CSMD1: variants seen among roughly 807,000 people sequenced by gnomAD.
CSMD1 encodes the protein CUB and Sushi multiple domains 1.
CSMD1 carries 213 observed loss-of-function variants against 417.5 expected under a neutral mutation model. The ratio of observed to expected loss-of-function variants is 0.51; its 90% CI spans 0.46 to 0.57. CSMD1 has a LOEUF of 0.57. Ranked by LOEUF, CSMD1 falls within the 20% of genes least tolerant of loss-of-function variation. CSMD1 has a pLI of 0.00. For missense variants in CSMD1, 6,923 were observed against 4,529.7 expected (o/e 1.53, Z -15.17); for synonymous variants, 2,862 against 1,736.8 (o/e 1.65, Z -16.11).
At chr8:4,595,022 A>T (rs7820892) in intron 2 of CSMD1, among the ~76,000 whole-genome samples, 140,557 of 152,024 alleles carry the variant, frequency 0.92, 65,068 homozygotes, top group East Asian at 0.97. Flanking sequence ...AATATACTGG[A>T]TTCCTTGTTG....
At chr8:3,132,154 G>C (rs1389502518) in intron 41 of CSMD1, among the ~76,000 whole-genome samples, 1 of 152,198 alleles carries the variant, frequency 6.6e-6, no homozygotes, top group African/African-American at 2.4e-5. Context: ...AGGCCACCCA[G>C]TGGGTTTTAC....
At position 4,606,115 on chromosome 8, in the gene CSMD1, A is replaced by G. The variant is rs75328688; in HGVS notation, c.302+31227T>C. ...CACGTTCAAAATTGATCGAGCTGAA[A>G]TGACTTGCAGGATTAATTCACACTA... is the stretch of plus-strand genomic sequence containing the variant. On this transcript the variant is annotated intron_variant, in intron 2 of 69. Transcript: ENST00000635120. Among the ~76,000 whole-genome samples the G allele has an allele frequency of 8.0e-3, 1,225 of 152,274 alleles. 10 individuals carry two copies. Among genetic ancestry groups the G allele is most frequent in the Middle Eastern group, 0.058 (17 of 294 alleles).
chr8:4,243,844 A>G (rs1802542946), intron 3 of CSMD1, among the ~76,000 whole-genome samples: 1 of 152,218 alleles, frequency 6.6e-6, no homozygotes, highest in Non-Finnish European at 1.5e-5. Context: ...AAGAAAACAG[A>G]GTAGGGACTG....
chr8:4,031,226 G>A (rs146948251), intron 4 of CSMD1, among the ~76,000 whole-genome samples: 186 of 152,218 alleles, frequency 1.2e-3, no homozygotes, highest in African/African-American at 4.1e-3. Flanking sequence ...TATTGTATTA[G>A]TTCATTTTCA....
At chr8:3,143,775 A>G (rs1401135453) in intron 40 of CSMD1, among the ~76,000 whole-genome samples, 2 of 152,182 alleles carry the variant, frequency 1.3e-5, no homozygotes, top group African/African-American at 2.4e-5. Flanking sequence ...TGCATCTAAT[A>G]TATTTCCTAG....
intron 1 of CSMD1, among the ~76,000 whole-genome samples, chr8:4,727,734 C>T (rs561435912): frequency 6.6e-6 from 1 of 151,972 alleles, no homozygotes; most frequent in African/African-American, 2.4e-5. Context: ...CCTCTTTCCT[C>T]TTTTTCTTCT....
At chr8:3,141,951 C>T (rs1818520450) in intron 41 of CSMD1, among the ~76,000 whole-genome samples, 1 of 152,044 alleles carries the variant, frequency 6.6e-6, no homozygotes, top group Non-Finnish European at 1.5e-5. Flanking sequence ...GCGCCCGCCA[C>T]TATGCCCAGC....
chr8:4,788,164 A>G, intron 1 of CSMD1: 2 of 1,597,876 alleles, frequency 1.3e-6, no homozygotes, highest in Non-Finnish European at 1.7e-6. Flanking sequence ...GAAAAAATCA[A>G]GAAGGCCTGT....
intron 21 of CSMD1, among the ~76,000 whole-genome samples, chr8:3,356,235 G>T (rs1306313239): frequency 6.6e-6 from 1 of 152,210 alleles, no homozygotes; most frequent in Non-Finnish European, 1.5e-5. Context: ...TTAGAGAAAG[G>T]AACATGAAGC....
chr8:4,390,731 T>A (rs1803794944), intron 3 of CSMD1, among the ~76,000 whole-genome samples: 1 of 151,714 alleles, frequency 6.6e-6, no homozygotes, highest in Admixed American at 6.6e-5. Context: ...GCCAGGATGG[T>A]CTCGATCTTC....
At chr8:4,765,180 G>C (rs1463896005) in intron 1 of CSMD1, among the ~76,000 whole-genome samples, 1 of 151,860 alleles carries the variant, frequency 6.6e-6, no homozygotes, top group African/African-American at 2.4e-5. Flanking sequence ...TTATTTTTTA[G>C]AAACTGTGTT....
chr8:3,664,796 C>T (rs1410808239), intron 7 of CSMD1, among the ~76,000 whole-genome samples: 1 of 152,120 alleles, frequency 6.6e-6, no homozygotes, highest in East Asian at 1.9e-4. Flanking sequence ...AAACTGTACA[C>T]AAAGCTATCA....
chr8:4,870,551 T>C (rs1343046615), intron 1 of CSMD1, among the ~76,000 whole-genome samples: 1 of 152,076 alleles, frequency 6.6e-6, no homozygotes, highest in Non-Finnish European at 1.5e-5. Context: ...TCTTCTCGTG[T>C]GTCAGTCTCA....
At position 4,963,477 on chromosome 8, in the gene CSMD1, G is replaced by A. The variant is rs377593400; in HGVS notation, c.85+30855C>T. Among the ~76,000 whole-genome samples the A allele has an allele frequency of 3.9e-5, 6 of 152,150 alleles. No individual in the cohort carries two copies. The East Asian group carries it at 7.7e-4, about 20-fold the overall frequency. ...GACCTCCCAAAGTGCTGGGATTACA[G>A]GGGTGAGACACCATGCCTGGCCCCT... On this transcript the variant is annotated intron_variant, in intron 1 of 69. Transcript: ENST00000635120.
chr8:4,891,698 T>C (rs1470581034), intron 1 of CSMD1, among the ~76,000 whole-genome samples: 1 of 152,126 alleles, frequency 6.6e-6, no homozygotes, highest in Non-Finnish European at 1.5e-5. Context: ...TATTAATGCA[T>C]ACAAAACCAC....
chr8:4,016,776 T>G (rs547778788), intron 4 of CSMD1, among the ~76,000 whole-genome samples: 1 of 152,342 alleles, frequency 6.6e-6, no homozygotes, highest in South Asian at 2.1e-4. Context: ...TAAGTTTATG[T>G]GTATAGTTGG....
At chr8:3,835,855 T>G (rs1359255485) in intron 5 of CSMD1, among the ~76,000 whole-genome samples, 1 of 152,104 alleles carries the variant, frequency 6.6e-6, no homozygotes, top group Non-Finnish European at 1.5e-5. Flanking sequence ...TTCTGTACCT[T>G]TAGTGCCTCT....
intron 4 of CSMD1, among the ~76,000 whole-genome samples, chr8:4,002,544 T>A (rs938643699): frequency 6.6e-6 from 1 of 152,220 alleles, no homozygotes; most frequent in Non-Finnish European, 1.5e-5. Flanking sequence ...CCATTTCGAC[T>A]GAGAAAAATT....
chr8:4,792,459 G>A (rs1025781536), intron 1 of CSMD1, among the ~76,000 whole-genome samples: 4 of 152,112 alleles, frequency 2.6e-5, no homozygotes, highest in Non-Finnish European at 5.9e-5. Context: ...GAACTCATCA[G>A]CTGTTCTGAA....
Sources: gnomAD v4.1 joint callset for allele counts (sites outside exome capture counted in the v4.1 genomes callset) on GRCh38, gnomAD v4.1.1 for gene constraint, MANE v1.5 for transcripts, NCBI Gene and HGNC (gene_info 2026-07-23, HGNC 2026-07-21) for gene names.